Variants in HACE1 observed in about 807,000 individuals in gnomAD.
HACE1 encodes the protein E3 ubiquitin-protein ligase HACE1.
Under a neutral mutation model 118.4 loss-of-function variants are expected in HACE1, and 73 were observed. The observed-to-expected ratio is 0.62, with a 90% CI of 0.51 to 0.75. HACE1 has a LOEUF of 0.75. Among genes scored for constraint, HACE1 ranks in the 30% least tolerant of loss-of-function variants. The pLI is 0.00. For synonymous variants in HACE1, 368 were observed against 374.8 expected, an observed-to-expected ratio of 0.98 and a Z score of 0.21; for missense variants, 749 against 1,102.2, an observed-to-expected ratio of 0.68 and a Z score of 4.54.
At chr6:104,790,250 A>G (rs1354169160) in intron 11 of HACE1, among the ~76,000 whole-genome samples, 1 of 152,158 alleles carries the variant, frequency 6.6e-6, no homozygotes, top group East Asian at 1.9e-4. Context: ...TACTAGTGTC[A>G]AAGTTCTTGC....
Position 104,729,376 on chromosome 6 carries a change from C to T in HACE1, c.*286G>A, listed in dbSNP as rs908352189. 11 of 376,184 alleles carry T rather than the reference C, an allele frequency of 2.9e-5. No individual in the cohort carries two copies. Among genetic ancestry groups the T allele is most frequent in the Non-Finnish European group, 5.4e-5 (11 of 204,106 alleles). The allele number at this position is 376,184 out of a possible 1,614,324, so 23.3% of individuals were successfully genotyped here. ...TGTAGAATCAGATTTTGCCTTAATA[C>T]AATCTTGGATAAAATTAATTATGAA... On this transcript the variant is annotated 3_prime_UTR_variant, in exon 24 of 24. Coordinates refer to ENST00000262903, the MANE Select transcript of HACE1 (RefSeq NM_020771.4).
chr6:104,754,282 G>A (rs1778376890), intron 19 of HACE1, among the ~76,000 whole-genome samples: 2 of 152,116 alleles, frequency 1.3e-5, no homozygotes, highest in South Asian at 4.1e-4. Flanking sequence ...GACTGACTGA[G>A]GTACCTGAAA....
chr6:104,824,338 CTATAATGATGTATT>C (rs1323597874), intron 6 of HACE1, among the ~76,000 whole-genome samples: 1 of 152,158 alleles, frequency 6.6e-6, no homozygotes, highest in African/African-American at 2.4e-5. Context: ...CTATGTAGAA[CTATAATGATGTATT>C]TATTGCCTGG....
intron 6 of HACE1, among the ~76,000 whole-genome samples, chr6:104,829,246 A>C (rs1419417285): frequency 1.3e-5 from 2 of 152,154 alleles, no homozygotes; most frequent in Non-Finnish European, 2.9e-5. Context: ...CTCAGTGTTC[A>C]ACTTATGGAA....
intron 7 of HACE1, 84 bp downstream of exon 7, chr6:104,811,227 T>C (rs1262131976): frequency 3.3e-5 from 8 of 245,752 alleles, no homozygotes; most frequent in South Asian, 3.2e-4. Flanking sequence ...TCTGGAAATA[T>C]ATATATTTCT....
intron 5 of HACE1, 53 bp downstream of exon 5, chr6:104,843,170 A>G: frequency 2.1e-6 from 2 of 949,032 alleles, no homozygotes; most frequent in Admixed American, 1.7e-5. Flanking sequence ...CACATTCAAT[A>G]TCATTTTCTA....
At chr6:104,733,278 A>T (rs1775409130) in intron 22 of HACE1, among the ~76,000 whole-genome samples, 1 of 152,140 alleles carries the variant, frequency 6.6e-6, no homozygotes, top group South Asian at 2.1e-4. Flanking sequence ...TTTGAACGGT[A>T]AGTTAAAAAT....
At chr6:104,795,710 T>C in intron 9 of HACE1, 25 bp from the exon 10 acceptor site, 1 of 1,341,098 alleles carries the variant, frequency 7.5e-7, no homozygotes, top group Admixed American at 1.7e-5. Context: ...AATAAAAAAA[T>C]GTGATTACAT....
intron 7 of HACE1, among the ~76,000 whole-genome samples, chr6:104,799,599 T>G (rs889484591): frequency 6.6e-6 from 1 of 152,078 alleles, no homozygotes; most frequent in Non-Finnish European, 1.5e-5. Flanking sequence ...TATAATGGAG[T>G]TGCTCGAGAT....
At chr6:104,839,003 T>A (rs910136586) in intron 5 of HACE1, among the ~76,000 whole-genome samples, 21 of 150,196 alleles carry the variant, frequency 1.4e-4, no homozygotes, top group Admixed American at 1.4e-3. Context: ...AAAAAGGTGC[T>A]CAACATCACT....
chr6:104,734,956 A>T (rs1484698774), intron 22 of HACE1, among the ~76,000 whole-genome samples: 2 of 152,168 alleles, frequency 1.3e-5, no homozygotes, highest in African/African-American at 4.8e-5. Context: ...TATACTTGAC[A>T]ACATAAATCA....
At chr6:104,818,451 CCAGATA>C (rs1284266051) in intron 6 of HACE1, among the ~76,000 whole-genome samples, 1 of 152,030 alleles carries the variant, frequency 6.6e-6, no homozygotes, top group East Asian at 1.9e-4. Context: ...CTGAATTCCA[CCAGATA>C]TACAAAGAAA....
chr6:104,790,685 G>A (rs1351593882), intron 11 of HACE1, among the ~76,000 whole-genome samples: 1 of 152,198 alleles, frequency 6.6e-6, no homozygotes, highest in African/African-American at 2.4e-5. Flanking sequence ...GCCCAGGGAG[G>A]TAGAGGCTGC....
chr6:104,823,512 A>T (rs199929128), intron 6 of HACE1, among the ~76,000 whole-genome samples: 1,479 of 132,482 alleles, frequency 0.011, 15 homozygotes, highest in African/African-American at 0.023. Flanking sequence ...CTATTTTTTT[A>T]AAAAAAACAG....
intron 6 of HACE1, among the ~76,000 whole-genome samples, chr6:104,828,597 T>C (rs1435960045): frequency 2.0e-5 from 3 of 151,982 alleles, no homozygotes; most frequent in South Asian, 2.1e-4. Flanking sequence ...CATTATTAAA[T>C]ACGGATAGAA....
chr6:104,781,495 G>A (rs970959258), intron 14 of HACE1, among the ~76,000 whole-genome samples: 3 of 152,144 alleles, frequency 2.0e-5, no homozygotes, highest in African/African-American at 7.2e-5. Context: ...ATGTATCTAT[G>A]TAAATTTAAA....
In HACE1 at chr6:104,771,879, A is replaced by T. The variant is rs1041188858; in HGVS notation, c.2014+46T>A. 2.9e-6 allele frequency: 4 copies of T among 1,377,336 alleles called. No individual in the cohort carries two copies. In the African/African-American group the frequency reaches 5.8e-5, roughly 20 times the overall value. 85.3% of individuals were successfully genotyped at this position (1,377,336 alleles called of 1,614,324 possible). On this transcript the variant is annotated intron_variant, in intron 18 of 23. Coordinates refer to ENST00000262903, the MANE Select transcript of HACE1 (RefSeq NM_020771.4). ...ATCTAGTTTTCCTCAAACTGAAAAAAAAACAATATAAATAAATGTCTGCAG... is the reference window on the plus strand; with the variant it reads ...ATCTAGTTTTCCTCAAACTGAAAAATAAACAATATAAATAAATGTCTGCAG...
intron 7 of HACE1, among the ~76,000 whole-genome samples, chr6:104,808,012 C>T (rs938537838): frequency 3.3e-5 from 5 of 152,086 alleles, no homozygotes; most frequent in Non-Finnish European, 5.9e-5. Flanking sequence ...CATGGCAAAA[C>T]GCCATCTCTA....
At chr6:104,782,017 G>A (rs892748690) in intron 14 of HACE1, among the ~76,000 whole-genome samples, 3 of 146,828 alleles carry the variant, frequency 2.0e-5, no homozygotes, top group African/African-American at 7.4e-5. Flanking sequence ...AAGTAATTGC[G>A]GTTTTTGCTA....
Sources: gnomAD v4.1 joint callset for allele counts (sites outside exome capture counted in the v4.1 genomes callset) on GRCh38, gnomAD v4.1.1 for gene constraint, MANE v1.5 for transcripts, NCBI Gene and HGNC (gene_info 2026-07-23, HGNC 2026-07-21) for gene names.